MSH3: variants seen among roughly 807,000 people sequenced by gnomAD.
The protein encoded by MSH3 is mutS homolog 3, also known as DNA mismatch repair protein Msh3.
MSH3 carries 106 observed loss-of-function variants against 123.3 expected under a neutral mutation model. The observed-to-expected ratio is 0.86, with a 90% CI of 0.73 to 1.01. The LOEUF is 1.01. Ranked by LOEUF, MSH3 falls within the 50% of genes least tolerant of loss-of-function variation. The pLI is 0.00. For synonymous variants in MSH3, 515 were observed against 481.4 expected (o/e 1.07, Z -0.91); for missense variants, 1,459 against 1,347.6 (o/e 1.08, Z -1.29).
At chr5:80,667,221 G>A (rs545432019) in intron 3 of MSH3, among the ~76,000 whole-genome samples, 7 of 152,184 alleles carry the variant, frequency 4.6e-5, no homozygotes, top group Non-Finnish European at 1.0e-4. Context: ...GTAAGAATAA[G>A]TTTTTACAAT....
chr5:80,806,278 G>A (rs1167293195), intron 19 of MSH3, among the ~76,000 whole-genome samples: 2 of 151,790 alleles, frequency 1.3e-5, no homozygotes, highest in Admixed American at 1.3e-4. Flanking sequence ...TTGTATTTTT[G>A]GTAGAGACGG....
chr5:80,671,641 A>T (rs1369838783), intron 4 of MSH3, among the ~76,000 whole-genome samples: 1 of 152,056 alleles, frequency 6.6e-6, no homozygotes, highest in Non-Finnish European at 1.5e-5. Flanking sequence ...AGAAGGGGTG[A>T]GGTTGGGGAG....
At chr5:80,730,894 A>ATATT (rs1554070428) in intron 10 of MSH3, among the ~76,000 whole-genome samples, 171 of 127,784 alleles carry the variant, frequency 1.3e-3, no homozygotes, top group African/African-American at 4.8e-3. Flanking sequence ...ATATATATAT[A>ATATT]TTTTTTTTTT....
chr5:80,655,240 A>C, intron 1 of MSH3: 1 of 311,204 alleles, frequency 3.2e-6, no homozygotes. Flanking sequence ...TCCCATTCTG[A>C]TGAGGGGGCT....
intron 8 of MSH3, among the ~76,000 whole-genome samples, chr5:80,695,501 A>G (rs574688772): frequency 6.3e-4 from 96 of 151,894 alleles, no homozygotes; most frequent in African/African-American, 2.3e-3. Flanking sequence ...CGCCCAGCTA[A>G]TTTTTGTATT....
At chr5:80,775,616 T>C (rs1744283825) in intron 15 of MSH3, 78 bp from the exon 16 acceptor site, 1 of 824,436 alleles carries the variant, frequency 1.2e-6, no homozygotes, top group Admixed American at 2.0e-5. Flanking sequence ...AATAAATTGT[T>C]ATACCACAAT....
intron 2 of MSH3, among the ~76,000 whole-genome samples, chr5:80,662,342 A>C (rs769941942): frequency 1.3e-5 from 2 of 152,174 alleles, no homozygotes; most frequent in African/African-American, 2.4e-5. Flanking sequence ...CACATTCTTC[A>C]TAACATATCC....
rs2112020280 is a variant in MSH3, at chr5:80,787,613, A to G, written c.2484A>G (p.Leu828=). 6.2e-7 allele frequency: 1 copy of G among 1,613,978 alleles called. No homozygotes were observed. The highest frequency in any genetic ancestry group is 8.5e-7 in the Non-Finnish European group (1 of 1,179,882). Residue 828 remains leucine (L), a synonymous_variant, in exon 18 of 24, where the codon CTA becomes CTG. Transcript: ENST00000265081. ...CCTTGTGTAAAGCAGTGCATCACCTAGCAACTGTTGACTGCATTTTCTCCC... is the reference window on the plus strand; with the variant it reads ...CCTTGTGTAAAGCAGTGCATCACCTGGCAACTGTTGACTGCATTTTCTCCC... The part of the protein sequence containing the change: ...YHSLCKAVHH[L]ATVDCIFSLA...
At chr5:80,771,499 A>G (rs1174778806) in intron 15 of MSH3, among the ~76,000 whole-genome samples, 1 of 151,742 alleles carries the variant, frequency 6.6e-6, no homozygotes, top group Non-Finnish European at 1.5e-5. Flanking sequence ...AAAAGGACTA[A>G]TGCTATTCTC....
At chr5:80,696,058 G>A (rs115935136) in intron 8 of MSH3, among the ~76,000 whole-genome samples, 270 of 152,286 alleles carry the variant, frequency 1.8e-3, no homozygotes, top group African/African-American at 6.4e-3. Context: ...AGGGAGATGG[G>A]TGCTTCTTGT....
intron 17 of MSH3, among the ~76,000 whole-genome samples, chr5:80,780,321 A>G (rs1330076626): frequency 6.6e-6 from 1 of 152,228 alleles, no homozygotes; most frequent in African/African-American, 2.4e-5. Flanking sequence ...CCAGCTCTAG[A>G]CCACCACTGG....
intron 5 of MSH3, 146 bp from the exon 6 acceptor site, chr5:80,672,595 C>T: frequency 1.3e-6 from 1 of 759,468 alleles, no homozygotes; most frequent in Non-Finnish European, 2.3e-6. Context: ...AATTATCCAC[C>T]CTTGTCAACT....
chr5:80,771,097 T>C (rs1744206546), intron 15 of MSH3, among the ~76,000 whole-genome samples: 1 of 152,234 alleles, frequency 6.6e-6, no homozygotes, highest in Admixed American at 6.5e-5. Flanking sequence ...AGAATGTTAA[T>C]ACAAAATTGC....
At chr5:80,697,334 C>T (rs1750505912) in intron 8 of MSH3, among the ~76,000 whole-genome samples, 1 of 152,188 alleles carries the variant, frequency 6.6e-6, no homozygotes, top group Non-Finnish European at 1.5e-5. Context: ...CCAAGTTACA[C>T]CTGGTTTACT....
Position 80,678,985 on chromosome 5 carries a change from G to T in MSH3, c.1232G>T (p.Arg411Leu), listed in dbSNP as rs764885728. 6.2e-7 allele frequency: 1 copy of T among 1,614,080 alleles called. No individual in the cohort carries two copies. The highest frequency in any genetic ancestry group is 8.5e-7 in the Non-Finnish European group (1 of 1,180,002). The change falls in exon 8 of 24, where the codon CGT becomes CTT. Residue 411 changes from arginine to leucine, a missense_variant. Arg to Leu is a moderately radical substitution (Grantham distance 102). Transcript: ENST00000265081. ...GATAGTTTCCAGGACTCTGCTTCTC[G>T]TTCAGAGCTAGAAACCCGGATGTCA... ...VFDSFQDSAS[R>L]SELETRMSSL... is the part of the protein sequence containing the mutation.
At chr5:80,694,194 A>G (rs1242139301) in intron 8 of MSH3, among the ~76,000 whole-genome samples, 1 of 152,238 alleles carries the variant, frequency 6.6e-6, no homozygotes, top group Non-Finnish European at 1.5e-5. Context: ...CAGACCATAC[A>G]GAAAATTTCA....
intron 4 of MSH3, among the ~76,000 whole-genome samples, chr5:80,671,206 A>G (rs964461766): frequency 2.6e-5 from 4 of 152,160 alleles, no homozygotes; most frequent in Non-Finnish European, 4.4e-5. Context: ...GTGAAATTTG[A>G]ACATTTCATA....
chr5:80,811,651 A>C (rs540229114), intron 19 of MSH3, among the ~76,000 whole-genome samples: 1 of 152,242 alleles, frequency 6.6e-6, no homozygotes, highest in South Asian at 2.1e-4. Context: ...GCAAGAATTC[A>C]GTAGGGATGT....
intron 20 of MSH3, among the ~76,000 whole-genome samples, chr5:80,849,344 G>A (rs1745788628): frequency 6.6e-6 from 1 of 152,056 alleles, no homozygotes. Context: ...GAGGACTGTG[G>A]CCTTCTTCTC....
Sources: allele counts gnomAD v4.1 joint callset (sites outside exome capture counted in the v4.1 genomes callset), GRCh38; gene constraint gnomAD v4.1.1; transcripts MANE v1.5; gene names NCBI Gene and HGNC (gene_info 2026-07-23, HGNC 2026-07-21).